The following RSPH9 variants were observed in gnomAD, a reference collection of about 807,000 sequenced individuals.
RSPH9 encodes radial spoke head component 9, also known as radial spoke head protein 9 homolog.
In RSPH9, 27 loss-of-function variants were observed where a neutral mutation model predicts 27.0. The observed-to-expected ratio is 1.00, with a 90% CI of 0.74 to 1.38. The LOEUF is 1.38. Among genes scored for constraint, RSPH9 ranks in the 40% most tolerant of loss-of-function variants. The pLI is 0.00. For synonymous variants in RSPH9, 145 were observed against 147.7 expected (o/e 0.98, Z 0.13); for missense variants, 347 against 357.4 (o/e 0.97, Z 0.24).
intron 4 of RSPH9, among the ~76,000 whole-genome samples, chr6:43,669,514 T>C (rs1582401414): frequency 6.6e-6 from 1 of 152,068 alleles, no homozygotes; most frequent in Admixed American, 6.5e-5. Context: ...TGGTTGGAGG[T>C]GGCCCGTGGG....
intron 2 of RSPH9, among the ~76,000 whole-genome samples, chr6:43,654,422 G>T (rs946396826): frequency 6.6e-6 from 1 of 152,166 alleles, no homozygotes; most frequent in Non-Finnish European, 1.5e-5. Flanking sequence ...GGGTGCTGTG[G>T]CTCACCCTGT....
chr6:43,657,575 C>A (rs566696747), intron 4 of RSPH9, among the ~76,000 whole-genome samples: 10 of 152,280 alleles, frequency 6.6e-5, no homozygotes, highest in African/African-American at 2.2e-4. Context: ...ACAATAGGAA[C>A]CACAGGACAA....
intron 1 of RSPH9, 126 bp from the exon 2 acceptor site, chr6:43,650,249 T>G: frequency 9.1e-7 from 1 of 1,101,312 alleles, no homozygotes; most frequent in Non-Finnish European, 1.3e-6. Flanking sequence ...ACGACAGCAT[T>G]GGGAGGAAAG....
intron 1 of RSPH9, among the ~76,000 whole-genome samples, chr6:43,647,977 A>C (rs1771057184): frequency 6.6e-6 from 1 of 152,208 alleles, no homozygotes; most frequent in East Asian, 1.9e-4. Context: ...GGGGATAGAG[A>C]ATACAGGATG....
At chr6:43,650,644 C>T (rs1001703338) in intron 2 of RSPH9, 104 bp downstream of exon 2, 31 of 1,213,942 alleles carry the variant, frequency 2.6e-5, no homozygotes, top group African/African-American at 1.9e-4. Context: ...CGGTGGCTCA[C>T]GCCTGTAATC....
At position 43,645,196 on chromosome 6, in the gene RSPH9, T is replaced by C. The variant is rs374043705; in HGVS notation, c.98T>C (p.Met33Thr). ...CGGGCCTCGCTGCTCACGTCTCTTA[T>C]GCTGGTTAAGCGCGACTACCGCTAT... ...DRRASLLTSLMLVKRDYRYDR... is the reference protein window; with the variant it reads ...DRRASLLTSLTLVKRDYRYDR... The change falls in exon 1 of 5, where the codon ATG becomes ACG. Residue 33 changes from methionine (M) to threonine (T), a missense_variant. Physicochemically the swap from Met to Thr is moderately conservative, Grantham distance 81 (BLOSUM62 -1). Transcript: ENST00000372163. The C allele has an allele frequency of 7.9e-5, 128 of 1,613,848 alleles. No individual in the cohort carries two copies. Among genetic ancestry groups the C allele is most frequent in the Admixed American group, 1.2e-4 (7 of 60,014 alleles).
chr6:43,646,946 C>T lies in RSPH9; in HGVS notation c.227+1621C>T, dbSNP rs1423041542. ...CTCCAGCCTGGGTGACAGAGTGAGA[C>T]TCCGTCTCAAAAAAAAAAAAAGAAA... On this transcript the variant is annotated intron_variant, in intron 1 of 4. Transcript: ENST00000372163. Among the ~76,000 whole-genome samples the T allele has an allele frequency of 6.9e-5, 10 of 144,974 alleles. No individual in the cohort carries two copies. In the East Asian group the frequency reaches 8.1e-4, roughly 12 times the overall value.
chr6:43,671,036 A>G lies in RSPH9; in HGVS notation c.*87A>G, dbSNP rs765883445. On this transcript the variant is annotated 3_prime_UTR_variant, in exon 5 of 5. Coordinates refer to ENST00000372163, the MANE Select transcript of RSPH9 (RefSeq NM_152732.5). ...GAACTTGGCCTGCCTGTTCTGTCCT[A>G]TCTTCTTAACTCCACCTCCGTCTGG... The G allele has an allele frequency of 1.2e-5, 18 of 1,520,232 alleles. No individual in the cohort carries two copies. Among genetic ancestry groups the G allele is most frequent in the South Asian group, 5.8e-5 (5 of 85,584 alleles). 94.2% of individuals were successfully genotyped at this position (1,520,232 alleles called of 1,614,324 possible).
At chr6:43,664,654 T>C (rs533861348) in intron 4 of RSPH9, among the ~76,000 whole-genome samples, 7 of 152,338 alleles carry the variant, frequency 4.6e-5, no homozygotes, top group Admixed American at 1.3e-4. Context: ...AGTGGCCATT[T>C]GGGCTTCCAT....
Position 43,659,446 on chromosome 6 carries a change from G to A in RSPH9, c.670+2723G>A, listed in dbSNP as rs576537187. Among the ~76,000 whole-genome samples, 302 of 149,706 alleles carry A rather than the reference G, an allele frequency of 2.0e-3. 4 individuals are homozygous for A. The highest frequency in any genetic ancestry group is 7.0e-3 in the African/African-American group (285 of 40,702). On this transcript the variant is annotated intron_variant, in intron 4 of 4. Coordinates refer to ENST00000372163, the MANE Select transcript of RSPH9 (RefSeq NM_152732.5). The stretch of plus-strand genomic sequence containing the variant: ...CGCCCAGGCTGGAGTGCAGTGGTGC[G>A]ATCTCGGCTCACTGCAAGCTCCGCC...
In RSPH9 at chr6:43,646,949, C is replaced by G. The variant is rs374639602; in HGVS notation, c.227+1624C>G. Reference sequence around the variant, plus strand: ...CAGCCTGGGTGACAGAGTGAGACTCCGTCTCAAAAAAAAAAAAAGAAAAAA... The same window carrying G: ...CAGCCTGGGTGACAGAGTGAGACTCGGTCTCAAAAAAAAAAAAAGAAAAAA... On this transcript the variant is annotated intron_variant, in intron 1 of 4. Coordinates refer to ENST00000372163, the MANE Select transcript of RSPH9 (RefSeq NM_152732.5). Among the ~76,000 whole-genome samples the G allele has an allele frequency of 7.1e-3, 994 of 140,584 alleles. 7 individuals are homozygous for G. The highest frequency in any genetic ancestry group is 0.026 in the African/African-American group (946 of 36,160). The allele number at this position is 140,584 out of a possible 152,430, so 92.2% of individuals were successfully genotyped here.
intron 4 of RSPH9, among the ~76,000 whole-genome samples, chr6:43,668,312 CGGGCGACCAGCTGAGCCA>C (rs939782706): frequency 4.8e-4 from 73 of 152,260 alleles, no homozygotes; most frequent in Admixed American, 8.5e-4. Flanking sequence ...CTGTGTTTCC[CGGGCGACCAGCTGAGCCA>C]GGGACGATGA....
Position 43,650,450 on chromosome 6 carries a change from C to T in RSPH9, c.303C>T (p.Gly101=), listed in dbSNP as rs1168200514. ...EMVAQSSVVK[G]RFMGDPSYEY... ...TGGCGCAGTCGTCTGTGGTGAAGGGCCGCTTCATGGGGGACCCATCATACG... is the reference window on the plus strand; with the variant it reads ...TGGCGCAGTCGTCTGTGGTGAAGGGTCGCTTCATGGGGGACCCATCATACG... The change falls in exon 2 of 5, where the codon GGC becomes GGT. Residue 101 remains glycine (G), a synonymous_variant. Transcript: ENST00000372163. The T allele has an allele frequency of 1.9e-6, 3 of 1,614,134 alleles. No homozygotes were observed. Among genetic ancestry groups the T allele is most frequent in the South Asian group, 2.2e-5 (2 of 91,086 alleles).
At chr6:43,666,427 C>G in intron 4 of RSPH9, 1 of 1,550,092 alleles carries the variant, frequency 6.5e-7, no homozygotes. Context: ...CTTTCAGGGT[C>G]TGAGGCAGTT....
chr6:43,660,608 C>T (rs911429294), intron 4 of RSPH9, among the ~76,000 whole-genome samples: 7 of 152,098 alleles, frequency 4.6e-5, no homozygotes, highest in South Asian at 2.1e-4. Context: ...GGACTACAGG[C>T]GCCCATCACC....
At chr6:43,664,221 A>T (rs959867745) in intron 4 of RSPH9, among the ~76,000 whole-genome samples, 8 of 151,940 alleles carry the variant, frequency 5.3e-5, no homozygotes, top group Non-Finnish European at 8.8e-5. Context: ...GATGATGATG[A>T]TGATGATTAT....
Position 43,671,050 on chromosome 6 carries a change from A to C in RSPH9, c.*101A>C. 1 of 1,423,834 alleles carries C rather than the reference A, an allele frequency of 7.0e-7. No individual in the cohort carries two copies. Among genetic ancestry groups the C allele is most frequent in the East Asian group, 2.4e-5 (1 of 41,446 alleles). 88.2% of individuals were successfully genotyped at this position (1,423,834 alleles called of 1,614,324 possible). A position where few individuals can be genotyped will look rare whatever the true frequency, so the allele number is the denominator to read the frequency against. Reference sequence around the variant, plus strand: ...TGTTCTGTCCTATCTTCTTAACTCCACCTCCGTCTGGTTCCAGATTCTGAA... The same window carrying C: ...TGTTCTGTCCTATCTTCTTAACTCCCCCTCCGTCTGGTTCCAGATTCTGAA... On this transcript the variant is annotated 3_prime_UTR_variant, in exon 5 of 5. Coordinates refer to ENST00000372163, the MANE Select transcript of RSPH9 (RefSeq NM_152732.5).
At chr6:43,669,178 T>C (rs976290127) in intron 4 of RSPH9, among the ~76,000 whole-genome samples, 2 of 152,132 alleles carry the variant, frequency 1.3e-5, no homozygotes, top group Non-Finnish European at 2.9e-5. Context: ...TTCTTCTTGA[T>C]GTTGTCCAGC....
intron 2 of RSPH9, among the ~76,000 whole-genome samples, chr6:43,651,460 A>T (rs984134389): frequency 5.3e-5 from 8 of 152,232 alleles, no homozygotes; most frequent in African/African-American, 1.9e-4. Flanking sequence ...TCAAAGGTAC[A>T]AAAAGGAATA....
Sources: allele counts gnomAD v4.1 joint callset (sites outside exome capture counted in the v4.1 genomes callset), GRCh38; gene constraint gnomAD v4.1.1; transcripts MANE v1.5; gene names NCBI Gene and HGNC (gene_info 2026-07-23, HGNC 2026-07-21).